The following CNTNAP2 variants were observed in gnomAD, a reference collection of about 807,000 sequenced individuals.
The protein encoded by CNTNAP2 is contactin associated protein 2, also known as contactin-associated protein-like 2.
In CNTNAP2, 98 loss-of-function variants were observed where a neutral mutation model predicts 155.2. The ratio of observed to expected loss-of-function variants is 0.63; its 90% CI spans 0.54 to 0.75. The LOEUF (loss-of-function observed/expected upper bound fraction) is 0.75, where lower values mean the gene tolerates loss of function less well. CNTNAP2 is among the 30% of genes least tolerant of loss of function. The pLI is 0.00. For synonymous variants in CNTNAP2, 651 were observed against 631.2 expected, an observed-to-expected ratio of 1.03 and a Z score of -0.47; for missense variants, 1,727 against 1,688.1, an observed-to-expected ratio of 1.02 and a Z score of -0.40.
chr7:147,962,091 C>T (rs1212632978), intron 14 of CNTNAP2, among the ~76,000 whole-genome samples: 1 of 152,150 alleles, frequency 6.6e-6, no homozygotes, highest in Non-Finnish European at 1.5e-5. Flanking sequence ...ATTATGTGCT[C>T]CTTGAAGATT....
intron 2 of CNTNAP2, among the ~76,000 whole-genome samples, chr7:146,775,316 T>C (rs1056133016): frequency 9.9e-5 from 15 of 152,178 alleles, no homozygotes; most frequent in Non-Finnish European, 1.6e-4. Flanking sequence ...TTAAGTGGCC[T>C]CACCATTTAT....
intron 3 of CNTNAP2, among the ~76,000 whole-genome samples, chr7:146,975,707 C>A (rs748307505): frequency 6.6e-6 from 1 of 152,132 alleles, no homozygotes; most frequent in South Asian, 2.1e-4. Context: ...CCTCCATCTC[C>A]CATTCTCAAA....
intron 13 of CNTNAP2, among the ~76,000 whole-genome samples, chr7:147,819,678 G>T (rs1041539523): frequency 1.3e-5 from 2 of 152,150 alleles, no homozygotes; most frequent in African/African-American, 4.8e-5. Flanking sequence ...AGAAAATTCT[G>T]TCATGCCAAT....
At chr7:148,210,358 C>A (rs946744977) in intron 18 of CNTNAP2, among the ~76,000 whole-genome samples, 10 of 152,162 alleles carry the variant, frequency 6.6e-5, no homozygotes, top group African/African-American at 2.4e-4. Context: ...CTGTTGACCA[C>A]CATGCACAAC....
At chr7:148,106,462 C>G (rs1440674547) in intron 15 of CNTNAP2, among the ~76,000 whole-genome samples, 1 of 145,236 alleles carries the variant, frequency 6.9e-6, no homozygotes, top group African/African-American at 2.7e-5. Context: ...ACCCCCACCC[C>G]CATGGCACTT....
At chr7:147,521,621 G>A (rs746477005) in intron 11 of CNTNAP2, among the ~76,000 whole-genome samples, 3 of 152,094 alleles carry the variant, frequency 2.0e-5, no homozygotes, top group African/African-American at 4.8e-5. Flanking sequence ...ATCAGGTATT[G>A]TTTCTTCTTC....
intron 21 of CNTNAP2, among the ~76,000 whole-genome samples, chr7:148,353,318 G>T (rs1798460141): frequency 6.6e-6 from 1 of 152,324 alleles, no homozygotes; most frequent in South Asian, 2.1e-4. Context: ...TTCCACATCG[G>T]CATGGGTTCA....
At chr7:148,327,178 G>T (rs1448993317) in intron 21 of CNTNAP2, among the ~76,000 whole-genome samples, 4 of 152,116 alleles carry the variant, frequency 2.6e-5, no homozygotes, top group African/African-American at 9.7e-5. Flanking sequence ...TGCTCCCAGG[G>T]GCTGCTGCAG....
chr7:148,187,528 T>C lies in CNTNAP2; in HGVS notation c.3010+15050T>C, dbSNP rs186377272. Among the ~76,000 whole-genome samples, 16 of 152,348 alleles carry C rather than the reference T, an allele frequency of 1.1e-4. No homozygotes were observed. The East Asian group carries it at 3.1e-3, about 29-fold the overall frequency. ...GCTACGTAAAACGAGCTTCTGATGA[T>C]GGAAATTCTAAAATCCAAACAAAAC... is the stretch of plus-strand genomic sequence containing the variant. On this transcript the variant is annotated intron_variant, in intron 18 of 23. Transcript: ENST00000361727.
intron 1 of CNTNAP2, among the ~76,000 whole-genome samples, chr7:146,423,853 C>T (rs1372015119): frequency 2.6e-5 from 4 of 152,058 alleles, no homozygotes; most frequent in Non-Finnish European, 5.9e-5. Context: ...AGAAGATAGG[C>T]TTTAGTCAGA....
At chr7:147,328,139 A>G (rs1328602829) in intron 9 of CNTNAP2, among the ~76,000 whole-genome samples, 1 of 152,174 alleles carries the variant, frequency 6.6e-6, no homozygotes, top group East Asian at 1.9e-4. Flanking sequence ...AAGGTGGGCT[A>G]CTTCAGTCAT....
At chr7:147,476,443 C>T (rs896202416) in intron 10 of CNTNAP2, among the ~76,000 whole-genome samples, 1 of 147,498 alleles carries the variant, frequency 6.8e-6, no homozygotes, top group African/African-American at 2.4e-5. Context: ...TTCATCATGA[C>T]TTTTTAAGTT....
chr7:148,243,071 G>T (rs1028786256), intron 20 of CNTNAP2, among the ~76,000 whole-genome samples: 4 of 152,158 alleles, frequency 2.6e-5, no homozygotes, highest in African/African-American at 9.7e-5. Context: ...GGAAGTCAGA[G>T]AATGAATAAA....
chr7:146,387,542 G>A (rs915625689), intron 1 of CNTNAP2, among the ~76,000 whole-genome samples: 1 of 152,214 alleles, frequency 6.6e-6, no homozygotes, highest in Non-Finnish European at 1.5e-5. Flanking sequence ...GTTTCATGAA[G>A]TAATATGTTT....
intron 1 of CNTNAP2, among the ~76,000 whole-genome samples, chr7:146,594,829 TA>T (rs1193042252): frequency 1.3e-5 from 2 of 152,092 alleles, no homozygotes; most frequent in African/African-American, 4.8e-5. Context: ...CAAAAAATAT[TA>T]AAAATACCAA....
intron 1 of CNTNAP2, among the ~76,000 whole-genome samples, chr7:146,607,848 T>G (rs1019691741): frequency 2.6e-5 from 4 of 152,148 alleles, no homozygotes; most frequent in Non-Finnish European, 2.9e-5. Context: ...AAACCTAAAA[T>G]TTTCCCTCAT....
At chr7:146,898,078 C>A (rs545659524) in intron 3 of CNTNAP2, among the ~76,000 whole-genome samples, 1 of 151,930 alleles carries the variant, frequency 6.6e-6, no homozygotes, top group East Asian at 1.9e-4. Flanking sequence ...TATACATGGA[C>A]ATCATAGTAT....
At chr7:147,433,874 T>G (rs1268194808) in intron 10 of CNTNAP2, among the ~76,000 whole-genome samples, 4 of 152,232 alleles carry the variant, frequency 2.6e-5, no homozygotes, top group African/African-American at 9.6e-5. Context: ...ATGACAAAAT[T>G]TTGACATGTT....
chr7:146,147,214 G>A (rs1385006043), intron 1 of CNTNAP2, among the ~76,000 whole-genome samples: 1 of 152,062 alleles, frequency 6.6e-6, no homozygotes, highest in Non-Finnish European at 1.5e-5. Flanking sequence ...CGGCAATGTG[G>A]CATTGTCTCT....
Sources: allele counts gnomAD v4.1 joint callset (sites outside exome capture counted in the v4.1 genomes callset), GRCh38; gene constraint gnomAD v4.1.1; transcripts MANE v1.5; gene names NCBI Gene and HGNC (gene_info 2026-07-23, HGNC 2026-07-21).